Variants in POTEM observed in about 807,000 individuals in gnomAD.
The protein encoded by POTEM is POTE ankyrin domain family member M.
For synonymous variants in POTEM, 8 were observed against 113.2 expected (o/e 0.07, Z 5.90); for missense variants, 24 against 343.0 (o/e 0.07, Z 7.35).
At chr14:18,969,316 T>TATAC (rs1555341454) in intron 1 of POTEM, among the ~76,000 whole-genome samples, 1 of 20,502 alleles carries the variant, frequency 4.9e-5, no homozygotes, top group Non-Finnish European at 1.1e-4. Context: ...CGTATATATA[T>TATAC]GTATATATAT....
rs1244771299 is a variant in POTEM at position 18,992,950 on chromosome 14, G to A, written c.1410-4091G>A. ...CTTGCTCTGTCACCCAGGCTGCAGT[G>A]CAGTGGCGTGACCTCGGCTCACTGC... On this transcript the variant is annotated intron_variant, in intron 9 of 10. Coordinates refer to ENST00000547889, the MANE Select transcript of POTEM (RefSeq NM_001145442.1). Among the ~76,000 whole-genome samples, 2 of 66,092 alleles carry A rather than the reference G, an allele frequency of 3.0e-5. 1 individual carries two copies. The highest frequency in any genetic ancestry group is 6.1e-5 in the Non-Finnish European group (2 of 32,886). 43.4% of individuals were successfully genotyped at this position (66,092 alleles called of 152,430 possible).
At chr14:18,986,199 G>A (rs1396919759) in intron 7 of POTEM, among the ~76,000 whole-genome samples, 1 of 141,102 alleles carries the variant, frequency 7.1e-6, no homozygotes, top group Non-Finnish European at 1.5e-5. Flanking sequence ...ATCAATTATT[G>A]GATTATATTA....
intron 6 of POTEM, among the ~76,000 whole-genome samples, chr14:18,982,714 C>T (rs1196771826): frequency 4.7e-5 from 4 of 85,648 alleles, no homozygotes; most frequent in East Asian, 2.7e-4. Flanking sequence ...AGTTAGGAAT[C>T]TCAATTACTC....
intron 1 of POTEM, among the ~76,000 whole-genome samples, chr14:18,969,326 TATATATAC>T (rs1890848846): frequency 7.8e-6 from 1 of 127,966 alleles, no homozygotes; most frequent in Non-Finnish European, 1.6e-5. Flanking sequence ...TGTATATATA[TATATATAC>T]GTATATACAT....
chr14:18,968,718 G>C (rs1890823588), intron 1 of POTEM, among the ~76,000 whole-genome samples: 1 of 152,276 alleles, frequency 6.6e-6, no homozygotes, highest in Admixed American at 6.5e-5. Flanking sequence ...AGCTACTCAG[G>C]AGGCTGAGGC....
At chr14:18,981,569 G>T (rs866755333) in intron 6 of POTEM, among the ~76,000 whole-genome samples, 13,669 of 113,306 alleles carry the variant, frequency 0.12, 2 homozygotes, top group East Asian at 0.15. Flanking sequence ...AGAGAGAGAA[G>T]AATTTTTCTA....
chr14:18,985,790 A>C (rs1302665383), intron 7 of POTEM, among the ~76,000 whole-genome samples: 1 of 144,318 alleles, frequency 6.9e-6, no homozygotes, highest in Non-Finnish European at 1.5e-5. Flanking sequence ...CTGTAGTCTC[A>C]GCTACTCAGG....
At position 18,972,121 on chromosome 14, in the gene POTEM, TAAG is replaced by T. The variant is rs199816262; in HGVS notation, c.522-637_522-635del. The stretch of plus-strand genomic sequence containing the variant: ...GATGCCCCATTATTTTATGTCTCAA[TAAG>T]AGAATTATTTAAATGCCGCCAATTA... On this transcript the variant is annotated intron_variant, in intron 1 of 10. Coordinates refer to ENST00000547889, the MANE Select transcript of POTEM (RefSeq NM_001145442.1). Among the ~76,000 whole-genome samples, 974 of 148,394 alleles carry T rather than the reference TAAG, an allele frequency of 6.6e-3. 1 individual carries two copies. The highest frequency in any genetic ancestry group is 0.024 in the African/African-American group (933 of 38,404).
chr14:18,991,074 G>T lies in POTEM; in HGVS notation c.1409+2653G>T, dbSNP rs1283225088. On this transcript the variant is annotated intron_variant, in intron 9 of 10. Coordinates refer to ENST00000547889, the MANE Select transcript of POTEM (RefSeq NM_001145442.1). ...AATTTTTGTATTTTTAGTAGTGACAGGGTTTCCCCATGTTGGCCAGGCTGG... is the reference window on the plus strand; with the variant it reads ...AATTTTTGTATTTTTAGTAGTGACATGGTTTCCCCATGTTGGCCAGGCTGG... Among the ~76,000 whole-genome samples, 158 of 120,756 alleles carry T rather than the reference G, an allele frequency of 1.3e-3. 1 individual carries two copies. Among genetic ancestry groups the T allele is most frequent in the African/African-American group, 4.4e-3 (155 of 35,366 alleles). 79.2% of individuals were successfully genotyped at this position (120,756 alleles called of 152,430 possible). A position where few individuals can be genotyped will look rare whatever the true frequency, so the allele number is the denominator to read the frequency against.
At chr14:18,969,359 A>ATATATATATATATATATACATGTG (rs1890853698) in intron 1 of POTEM, among the ~76,000 whole-genome samples, 154 of 87,202 alleles carry the variant, frequency 1.8e-3, no homozygotes, top group South Asian at 6.8e-3. Context: ...ATACATGTGT[A>ATATATATATATATATATACATGTG]TATATATATA....
At position 18,993,131 on chromosome 14, in the gene POTEM, A is replaced by G. The variant is rs1375853854; in HGVS notation, c.1410-3910A>G. 1.2e-4 allele frequency among the ~76,000 whole-genome samples: 8 copies of G among 68,912 alleles called. 3 individuals are homozygous for G. The highest frequency in any genetic ancestry group is 1.7e-4 in the Non-Finnish European group (6 of 34,646). 45.2% of individuals were successfully genotyped at this position (68,912 alleles called of 152,430 possible). A position where few individuals can be genotyped will look rare whatever the true frequency, so the allele number is the denominator to read the frequency against. ...AGGCTGGTCTCGAACTCCTGACCTC[A>G]GGCAATCCACCCGCCTTATCCTCAC... is the stretch of plus-strand genomic sequence containing the variant. On this transcript the variant is annotated intron_variant, in intron 9 of 10. Transcript: ENST00000547889.
intron 6 of POTEM, among the ~76,000 whole-genome samples, chr14:18,981,996 T>C (rs1320760313): frequency 2.7e-5 from 4 of 149,692 alleles, no homozygotes; most frequent in African/African-American, 7.4e-5. Flanking sequence ...TCAGCTGTGC[T>C]GTTGGCAGTG....
intron 7 of POTEM, among the ~76,000 whole-genome samples, chr14:18,986,539 G>C (rs1419775288): frequency 4.4e-5 from 6 of 137,482 alleles, no homozygotes; most frequent in Non-Finnish European, 7.8e-5. Flanking sequence ...TTTATCTACT[G>C]TCATTAGTAC....
chr14:18,994,828 C>G lies in POTEM; in HGVS notation c.1410-2213C>G, dbSNP rs1891274763. Among the ~76,000 whole-genome samples, 2 of 83,252 alleles carry G rather than the reference C, an allele frequency of 2.4e-5. 1 individual carries two copies. The highest frequency in any genetic ancestry group is 0.011 in the Middle Eastern group (2 of 188). The allele number at this position is 83,252 out of a possible 152,430, so 54.6% of individuals were successfully genotyped here. A position where few individuals can be genotyped will look rare whatever the true frequency, so the allele number is the denominator to read the frequency against. Reference sequence around the variant, plus strand: ...ATCACTGTTCTCCTTTCACCACATCCACAACAACATCTGTTGTTTTTTGTT... The same window carrying G: ...ATCACTGTTCTCCTTTCACCACATCGACAACAACATCTGTTGTTTTTTGTT... On this transcript the variant is annotated intron_variant, in intron 9 of 10. Transcript: ENST00000547889.
chr14:18,982,220 A>T (rs1891100625), intron 6 of POTEM, among the ~76,000 whole-genome samples: 1 of 150,368 alleles, frequency 6.7e-6, no homozygotes, highest in Non-Finnish European at 1.5e-5. Context: ...TGCAAGAAAG[A>T]ATAAGGAATG....
At chr14:18,968,491 C>G (rs1457648081) in intron 1 of POTEM, among the ~76,000 whole-genome samples, 1 of 152,070 alleles carries the variant, frequency 6.6e-6, no homozygotes, top group African/African-American at 2.4e-5. Context: ...GAAGATGGTT[C>G]TTGTGCTTGA....
In POTEM at chr14:19,000,458, G is replaced by GC. The variant is rs1321981900; in HGVS notation, c.*1799dup. Among the ~76,000 whole-genome samples, 9 of 136,450 alleles carry GC rather than the reference G, an allele frequency of 6.6e-5. No homozygotes were observed. Among genetic ancestry groups the GC allele is most frequent in the African/African-American group, 2.8e-4 (9 of 32,514 alleles). 89.5% of individuals were successfully genotyped at this position (136,450 alleles called of 152,430 possible). ...TTATTTAGAATGATCAGCCTTCGCGGCCCCCCTTTTTTGTACCCCAACTTG... is the reference window on the plus strand; with the variant it reads ...TTATTTAGAATGATCAGCCTTCGCGGCCCCCCCTTTTTTGTACCCCAACTTG... On this transcript the variant is annotated 3_prime_UTR_variant, in exon 11 of 11. Coordinates refer to ENST00000547889, the MANE Select transcript of POTEM (RefSeq NM_001145442.1).
intron 1 of POTEM, among the ~76,000 whole-genome samples, chr14:18,968,458 A>G (rs1890816054): frequency 6.6e-6 from 1 of 152,350 alleles, no homozygotes; most frequent in East Asian, 1.9e-4. Context: ...TTACTGAGTA[A>G]TCTTAGAAGG....
rs1386564169 is a variant in POTEM at position 18,993,042 on chromosome 14, G to A, written c.1410-3999G>A. On this transcript the variant is annotated intron_variant, in intron 9 of 10. Coordinates refer to ENST00000547889, the MANE Select transcript of POTEM (RefSeq NM_001145442.1). ...CACCTGAGGAGATGGGATTACAGGCGCGTGCCATGATGCCAGGCTAATTTT... is the reference window on the plus strand; with the variant it reads ...CACCTGAGGAGATGGGATTACAGGCACGTGCCATGATGCCAGGCTAATTTT... Among the ~76,000 whole-genome samples the A allele has an allele frequency of 2.3e-4, 16 of 68,968 alleles. 6 individuals are homozygous for A. Among genetic ancestry groups the A allele is most frequent in the Middle Eastern group, 0.011 (2 of 178 alleles). 45.2% of individuals were successfully genotyped at this position (68,968 alleles called of 152,430 possible).
Sources: allele counts gnomAD v4.1 joint callset (sites outside exome capture counted in the v4.1 genomes callset), GRCh38; gene constraint gnomAD v4.1.1; transcripts MANE v1.5; gene names NCBI Gene and HGNC (gene_info 2026-07-23, HGNC 2026-07-21).